CACNA1C: variants seen among roughly 807,000 people sequenced by gnomAD.
CACNA1C encodes voltage-dependent L-type calcium channel subunit alpha-1C.
CACNA1C carries 30 observed loss-of-function variants against 229.0 expected under a neutral mutation model. The observed-to-expected ratio is 0.13, with a 90% CI of 0.10 to 0.18. The LOEUF (loss-of-function observed/expected upper bound fraction) is 0.18. CACNA1C is among the 10% of genes least tolerant of loss of function. CACNA1C has a pLI of 1.00. For missense variants in CACNA1C, 1,658 were observed against 2,845.0 expected, an observed-to-expected ratio of 0.58 and a Z score of 9.49; for synonymous variants, 1,114 against 1,132.5, an observed-to-expected ratio of 0.98 and a Z score of 0.33.
At chr12:2,230,717 C>T (rs1353963832) in intron 3 of CACNA1C, among the ~76,000 whole-genome samples, 1 of 152,226 alleles carries the variant, frequency 6.6e-6, no homozygotes, top group Non-Finnish European at 1.5e-5. Flanking sequence ...CTGTCAGTCA[C>T]AAAGCCATAA....
rs752539346 is a variant in CACNA1C, at chr12:2,688,452, G to A, written c.5790G>A (p.Leu1930=). Residue 1930 remains leucine, a synonymous_variant, in exon 46 of 47, where the codon TTG becomes TTA. Transcript: ENST00000399655. ...CACTCCTTGTGTGTCCGCAGGCATT[G>A]GCAGTGGCAGGCCTGAGCCCCCTCC... ...LPLHLVHHQA[L]AVAGLSPLLQ... The A allele has an allele frequency of 6.2e-7, 1 of 1,613,716 alleles. No homozygotes were observed. The highest frequency in any genetic ancestry group is 2.2e-5 in the East Asian group (1 of 44,878).
At position 2,493,070 on chromosome 12, in the gene CACNA1C, C is replaced by G; in HGVS notation, c.917-120C>G. ...TAAACATGTCTTGCGCTGTTGTTGC[C>G]ATGGTTGCTTTGCCCATCCCATCAA... On this transcript the variant is annotated intron_variant, in intron 6 of 46. Transcript: ENST00000399655. The surrounding 1 kb of genome is among the most constrained non-coding windows in gnomAD (Gnocchi z 4.6). 1 of 744,092 alleles carries G rather than the reference C, an allele frequency of 1.3e-6. No homozygotes were observed. Among genetic ancestry groups the G allele is most frequent in the Non-Finnish European group, 2.3e-6 (1 of 436,764 alleles). 46.1% of individuals were successfully genotyped at this position (744,092 alleles called of 1,614,324 possible). A position where few individuals can be genotyped will look rare whatever the true frequency, so the allele number is the denominator to read the frequency against.
At chr12:2,683,454 C>G (rs2097279139) in intron 43 of CACNA1C, among the ~76,000 whole-genome samples, 1 of 152,190 alleles carries the variant, frequency 6.6e-6, no homozygotes, top group African/African-American at 2.4e-5. Context: ...TTTTCTGGCT[C>G]TTTTCACCCT....
At chr12:2,250,889 A>C (rs1054345265) in intron 3 of CACNA1C, among the ~76,000 whole-genome samples, 7 of 152,208 alleles carry the variant, frequency 4.6e-5, no homozygotes, top group African/African-American at 1.7e-4. Context: ...TCCTCTCCCT[A>C]ACCAGCCCAG....
Position 2,034,647 on chromosome 12 carries a change from G to A in CACNA1C, c.139+63446G>A, listed in dbSNP as rs932776312. Among the ~76,000 whole-genome samples, 2 of 152,142 alleles carry A rather than the reference G, an allele frequency of 1.3e-5. No homozygotes were observed. Among genetic ancestry groups the A allele is most frequent in the Non-Finnish European group, 2.9e-5 (2 of 68,040 alleles). Reference sequence around the variant, plus strand: ...TGCTGGTTCAATATCCGACGACTTTGAAATAATTCGAGGGCTAACTGGCTC... The same window carrying A: ...TGCTGGTTCAATATCCGACGACTTTAAAATAATTCGAGGGCTAACTGGCTC... On this transcript the variant is annotated intron_variant, in intron 1 of 46. Transcript: ENST00000682462. This position sits in a 1 kb window ranked among gnomAD's most constrained non-coding sequence, Gnocchi z 4.1.
intron 1 of CACNA1C, chr12:2,020,045 ATCTCCTGTGTCTCTC>A (rs2046169440): frequency 1.3e-5 from 2 of 152,160 alleles, no homozygotes; most frequent in Admixed American, 1.3e-4. Context: ...GTGTGTGTGT[ATCTCCTGTGTCTCTC>A]TTTCCCTCTC....
At chr12:2,509,270 C>T (rs1169855101) in intron 8 of CACNA1C, among the ~76,000 whole-genome samples, 4 of 152,186 alleles carry the variant, frequency 2.6e-5, no homozygotes, top group Non-Finnish European at 5.9e-5. Flanking sequence ...ACACACGTGC[C>T]TTGTGGGTGG....
At chr12:2,039,750 A>G (rs2049759378) in intron 1 of CACNA1C, among the ~76,000 whole-genome samples, 1 of 152,210 alleles carries the variant, frequency 6.6e-6, no homozygotes, top group African/African-American at 2.4e-5. Context: ...GATGCAAAGG[A>G]TGGAGGTCTG....
chr12:2,546,320 C>CTTG (rs1568346155), intron 9 of CACNA1C, among the ~76,000 whole-genome samples: 2 of 101,356 alleles, frequency 2.0e-5, no homozygotes, highest in East Asian at 2.9e-4. Flanking sequence ...CACACTATTC[C>CTTG]CTGCAGTAGC....
chr12:2,115,371 G>A lies in CACNA1C; in HGVS notation c.197G>A (p.Gly66Asp). The A allele has an allele frequency of 6.2e-7, 1 of 1,604,434 alleles. No homozygotes were observed. Among genetic ancestry groups the A allele is most frequent in the Non-Finnish European group, 8.5e-7 (1 of 1,177,350 alleles). ...IDAARQAKLM[G>D]SAGNATISTV... Reference sequence around the variant, plus strand: ...GCAGCCCGGCAGGCTAAGCTGATGGGCAGCGCTGGCAATGCGACCATCTCC... The same window carrying A: ...GCAGCCCGGCAGGCTAAGCTGATGGACAGCGCTGGCAATGCGACCATCTCC... Residue 66 changes from glycine (G) to aspartate (D), a missense_variant, in exon 2 of 47, where the codon GGC (glycine) becomes GAC (aspartate). Physicochemically the swap from Gly to Asp is moderately conservative, Grantham distance 94. Coordinates refer to ENST00000399655, the MANE Select transcript of CACNA1C (RefSeq NM_000719.7).
In CACNA1C at chr12:2,072,229, C is replaced by T. The variant is rs182411371; in HGVS notation, c.49+18618C>T. Among the ~76,000 whole-genome samples, 125 of 151,932 alleles carry T rather than the reference C, an allele frequency of 8.2e-4. 2 individuals carry two copies. Among genetic ancestry groups the T allele is most frequent in the Non-Finnish European group, 1.4e-3 (93 of 67,954 alleles). On this transcript the variant is annotated intron_variant, in intron 1 of 46. Coordinates refer to ENST00000399655, the MANE Select transcript of CACNA1C (RefSeq NM_000719.7). The stretch of plus-strand genomic sequence containing the variant: ...ATATATATATTTGGAAACAGAGTCT[C>T]GCTGTGTCACCCAGGCTGGAGTGCA...
Position 2,679,253 on chromosome 12 carries a change from C to T in CACNA1C, c.5092-191C>T, listed in dbSNP as rs1016254942. On this transcript the variant is annotated intron_variant, in intron 41 of 46. Coordinates refer to ENST00000399655, the MANE Select transcript of CACNA1C (RefSeq NM_000719.7). This position sits in a 1 kb window ranked among gnomAD's most constrained non-coding sequence, Gnocchi z 5.5. ...CAGAGCCTTGAGACTCCGGGTCCCT[C>T]CCTCTCTGGAGCAGCCAGGCATGAA... is the stretch of plus-strand genomic sequence containing the variant. 2.0e-5 allele frequency among the ~76,000 whole-genome samples: 3 copies of T among 152,214 alleles called. No homozygotes were observed. Among genetic ancestry groups the T allele is most frequent in the Admixed American group, 6.5e-5 (1 of 15,288 alleles).
At chr12:2,674,479 C>A in intron 38 of CACNA1C, 62 bp from the exon 39 acceptor site, 1 of 1,524,126 alleles carries the variant, frequency 6.6e-7, no homozygotes. Context: ...TCCTACCTTA[C>A]GCAGAGGGAC....
At chr12:2,043,706 A>G (rs1471488492) in intron 1 of CACNA1C, among the ~76,000 whole-genome samples, 3 of 121,600 alleles carry the variant, frequency 2.5e-5, no homozygotes, top group African/African-American at 1.0e-4. Context: ...CGGACTGCGG[A>G]CTGCAGTGGC....
At position 2,410,674 on chromosome 12, in the gene CACNA1C, A is replaced by G. The variant is rs1178799013; in HGVS notation, c.478-38302A>G. Among the ~76,000 whole-genome samples, 4 of 133,910 alleles carry G rather than the reference A, an allele frequency of 3.0e-5. No individual in the cohort carries two copies. The highest frequency in any genetic ancestry group is 7.8e-5 in the Admixed American group (1 of 12,840). 87.9% of individuals were successfully genotyped at this position (133,910 alleles called of 152,430 possible). ...ATGCGTGTGTGTGTTCCAGGAGCTGACTCTAGCTGTGAGGATGGCTCGCCT... is the reference window on the plus strand; with the variant it reads ...ATGCGTGTGTGTGTTCCAGGAGCTGGCTCTAGCTGTGAGGATGGCTCGCCT... On this transcript the variant is annotated intron_variant, in intron 3 of 46. Coordinates refer to ENST00000399655, the MANE Select transcript of CACNA1C (RefSeq NM_000719.7). This position sits in a 1 kb window ranked among gnomAD's most constrained non-coding sequence, Gnocchi z 5.3.
At chr12:2,572,104 A>G (rs1716822022) in intron 13 of CACNA1C, among the ~76,000 whole-genome samples, 2 of 147,196 alleles carry the variant, frequency 1.4e-5, no homozygotes, top group African/African-American at 5.0e-5. Flanking sequence ...ACTTAGCTGA[A>G]CCCATGAAGG....
At chr12:2,019,506 AGGG>A in intron 1 of CACNA1C, among the ~76,000 whole-genome samples, 2 of 134,502 alleles carry the variant, frequency 1.5e-5, no homozygotes, top group Admixed American at 7.6e-5. Context: ...GGAGGGAGGG[AGGG>A]AGGAAGGAAG....
At chr12:2,542,665 A>G (rs1482074559) in intron 9 of CACNA1C, among the ~76,000 whole-genome samples, 3 of 152,222 alleles carry the variant, frequency 2.0e-5, no homozygotes, top group Non-Finnish European at 4.4e-5. Context: ...TCCAGTTTCA[A>G]GAGATTATTC....
chr12:2,618,342 A>AGACAC (rs1226699394), intron 29 of CACNA1C, among the ~76,000 whole-genome samples: 2 of 152,224 alleles, frequency 1.3e-5, no homozygotes, highest in Non-Finnish European at 2.9e-5. Context: ...GTAATCAGAC[A>AGACAC]TGTTCTCTGC....
Sources: gnomAD v4.1 joint callset for allele counts (sites outside exome capture counted in the v4.1 genomes callset) on GRCh38, gnomAD v4.1.1 for gene constraint, Gnocchi (gnomAD v3.1) non-coding constraint, MANE v1.5 for transcripts, NCBI Gene and HGNC (gene_info 2026-07-23, HGNC 2026-07-21) for gene names.